The following ADGRL3 variants were observed in gnomAD, a reference collection of about 807,000 sequenced individuals.
The protein encoded by ADGRL3 is calcium-independent alpha-latrotoxin receptor 3.
A neutral mutation model predicts 153.5 loss-of-function variants in ADGRL3; 62 were observed. That is an observed-to-expected ratio of 0.40 (90% confidence interval 0.33 to 0.50). The LOEUF is 0.50. ADGRL3 is among the 20% of genes least tolerant of loss of function. The pLI, the probability that ADGRL3 is intolerant of heterozygous loss-of-function variation, is 0.47. For missense variants in ADGRL3, 1,641 were observed against 1,859.4 expected (o/e 0.88, Z 2.16); for synonymous variants, 710 against 672.5 (o/e 1.06, Z -0.86).
chr4:61,459,223 C>A (rs1286027692), intron 2 of ADGRL3, among the ~76,000 whole-genome samples: 1 of 151,770 alleles, frequency 6.6e-6, no homozygotes, highest in Non-Finnish European at 1.5e-5. Context: ...ATATTCGATT[C>A]ATTTTTGGTG....
At position 61,933,332 on chromosome 4, in the gene ADGRL3, G is replaced by A. The variant is rs542087016; in HGVS notation, c.2113-1508G>A. 1.3e-5 allele frequency among the ~76,000 whole-genome samples: 2 copies of A among 151,256 alleles called. 1 individual carries two copies. The highest frequency in any genetic ancestry group is 4.2e-4 in the South Asian group (2 of 4,742). The stretch of plus-strand genomic sequence containing the variant: ...GGCACCTCTTTTTTTGGCATATCCT[G>A]TTGGCATTGCCCTTATAGAGAACTT... On this transcript the variant is annotated intron_variant, in intron 13 of 26. Coordinates refer to ENST00000683033, the MANE Select transcript of ADGRL3 (RefSeq NM_001387552.1).
At chr4:61,748,697 A>T (rs1316195460) in intron 8 of ADGRL3, among the ~76,000 whole-genome samples, 2 of 152,180 alleles carry the variant, frequency 1.3e-5, no homozygotes, top group Non-Finnish European at 2.9e-5. Flanking sequence ...TACACCTTAT[A>T]CAAAAATTAA....
At chr4:61,473,602 A>C (rs566775685) in intron 2 of ADGRL3, among the ~76,000 whole-genome samples, 1 of 152,204 alleles carries the variant, frequency 6.6e-6, no homozygotes, top group East Asian at 1.9e-4. Flanking sequence ...ACAAGAAATA[A>C]ATGAGGAGGA....
chr4:61,742,576 G>A (rs78936115), intron 8 of ADGRL3, among the ~76,000 whole-genome samples: 4,469 of 152,054 alleles, frequency 0.029, 91 homozygotes, highest in Non-Finnish European at 0.042. Flanking sequence ...CACCGCACCC[G>A]GCCTGTTTTT....
chr4:61,255,478 G>A (rs568816233), intron 1 of ADGRL3, among the ~76,000 whole-genome samples: 21 of 152,218 alleles, frequency 1.4e-4, no homozygotes, highest in Admixed American at 4.6e-4. Flanking sequence ...TCCACATTGC[G>A]AAGCTATACA....
intron 1 of ADGRL3, among the ~76,000 whole-genome samples, chr4:61,328,905 T>A (rs2095517204): frequency 6.6e-6 from 1 of 152,198 alleles, no homozygotes; most frequent in African/African-American, 2.4e-5. Context: ...TGTGCAGTGA[T>A]TCGTCCTGCT....
At chr4:62,068,355 T>C (rs879781412) in intron 26 of ADGRL3, 172 bp downstream of exon 26, 4 of 418,990 alleles carry the variant, frequency 9.5e-6, no homozygotes, top group Admixed American at 8.8e-5. Context: ...TTAGACGCTT[T>C]TGTTGTCTGA....
chr4:61,797,017 C>T (rs529194868), intron 8 of ADGRL3, among the ~76,000 whole-genome samples: 2 of 152,224 alleles, frequency 1.3e-5, no homozygotes, highest in Non-Finnish European at 2.9e-5. Context: ...TCTTTCCTGT[C>T]CTGTCAATTT....
At chr4:61,342,003 C>CT (rs979315663) in intron 1 of ADGRL3, among the ~76,000 whole-genome samples, 2 of 151,884 alleles carry the variant, frequency 1.3e-5, no homozygotes, top group Admixed American at 6.6e-5. Context: ...CAGATAAACA[C>CT]TTTTTTTGGA....
At chr4:61,972,633 C>T (rs76131932) in intron 17 of ADGRL3, among the ~76,000 whole-genome samples, 4,468 of 152,236 alleles carry the variant, frequency 0.029, 177 homozygotes, top group East Asian at 0.18. Flanking sequence ...ATTGACTTCA[C>T]GATTCAGGCT....
intron 1 of ADGRL3, among the ~76,000 whole-genome samples, chr4:61,352,682 G>C (rs2096074131): frequency 6.6e-6 from 1 of 152,094 alleles, no homozygotes; most frequent in Middle Eastern, 3.2e-3. Flanking sequence ...ACTGTGCCCG[G>C]CCAAAACATA....
intron 1 of ADGRL3, among the ~76,000 whole-genome samples, chr4:61,274,657 TG>T (rs1350902963): frequency 6.6e-6 from 1 of 152,088 alleles, no homozygotes; most frequent in Non-Finnish European, 1.5e-5. Flanking sequence ...AAAACCAGAT[TG>T]GGCCAGATAA....
chr4:61,693,508 G>C (rs1365685487), intron 6 of ADGRL3, among the ~76,000 whole-genome samples: 1 of 152,010 alleles, frequency 6.6e-6, no homozygotes, highest in Non-Finnish European at 1.5e-5. Flanking sequence ...ATTATGTTAA[G>C]TCTGAGATTA....
intron 1 of ADGRL3, among the ~76,000 whole-genome samples, chr4:61,239,076 A>G (rs1415911008): frequency 6.6e-6 from 1 of 152,148 alleles, no homozygotes; most frequent in African/African-American, 2.4e-5. Context: ...TCCTTCAAGG[A>G]ATCCTTATAG....
chr4:61,301,562 G>A (rs1241140612), intron 1 of ADGRL3, among the ~76,000 whole-genome samples: 1 of 152,166 alleles, frequency 6.6e-6, no homozygotes, highest in East Asian at 1.9e-4. Context: ...CAGGCAGAAT[G>A]TGAGCAGCTG....
intron 1 of ADGRL3, among the ~76,000 whole-genome samples, chr4:61,370,288 C>T (rs1227531654): frequency 6.1e-5 from 6 of 97,942 alleles, no homozygotes; most frequent in Admixed American, 1.1e-4. Context: ...AATGTGTTTG[C>T]TCTTGTTTTT....
At chr4:61,712,625 T>G (rs947376634) in intron 6 of ADGRL3, among the ~76,000 whole-genome samples, 1 of 152,210 alleles carries the variant, frequency 6.6e-6, no homozygotes, top group African/African-American at 2.4e-5. Context: ...CTTAATTGAA[T>G]GGAATTTTAA....
intron 2 of ADGRL3, among the ~76,000 whole-genome samples, chr4:61,432,656 T>TTTC (rs2097385533): frequency 2.2e-5 from 1 of 46,448 alleles, no homozygotes; most frequent in Non-Finnish European, 5.4e-5. Context: ...CTTTCTTTCT[T>TTTC]TTTTTTTTTT....
At chr4:61,781,526 T>G (rs888403980) in intron 8 of ADGRL3, among the ~76,000 whole-genome samples, 7 of 152,152 alleles carry the variant, frequency 4.6e-5, no homozygotes, top group African/African-American at 1.4e-4. Context: ...TAGCCGGTTA[T>G]TCTGAAGATC....
Sources: gnomAD v4.1 joint callset for allele counts (sites outside exome capture counted in the v4.1 genomes callset) on GRCh38, gnomAD v4.1.1 for gene constraint, MANE v1.5 for transcripts, NCBI Gene and HGNC (gene_info 2026-07-23, HGNC 2026-07-21) for gene names.